Variants in RFX3 observed in about 807,000 individuals in gnomAD.
The protein encoded by RFX3 is regulatory factor X3.
RFX3 carries 14 observed loss-of-function variants against 98.6 expected under a neutral mutation model. The observed-to-expected ratio is 0.14, with a 90% CI of 0.09 to 0.22. The LOEUF (loss-of-function observed/expected upper bound fraction) is 0.22. RFX3 is among the 10% of genes least tolerant of loss of function. The pLI is 1.00. For synonymous variants in RFX3, 383 were observed against 328.4 expected (o/e 1.17, Z -1.80); for missense variants, 639 against 926.9 (o/e 0.69, Z 4.03).
chr9:3,504,899 A>T (rs1375464571), intron 1 of RFX3, among the ~76,000 whole-genome samples: 1 of 56,666 alleles, frequency 1.8e-5, no homozygotes, highest in Non-Finnish European at 2.6e-5. Context: ...TATAACATAT[A>T]TTATATATAT....
Position 3,504,970 on chromosome 9 carries a change from A to ATCT in RFX3, c.-9+20776_-9+20777insAGA, listed in dbSNP as rs1330635296. On this transcript the variant is annotated intron_variant, in intron 1 of 16. Transcript: ENST00000617270. ...ATATAATATATATTATATATAATAT[A>ATCT]TATTATATAATATATATGTTATATA... 2.5e-3 allele frequency among the ~76,000 whole-genome samples: 198 copies of ATCT among 79,428 alleles called. 8 individuals carry two copies. The highest frequency in any genetic ancestry group is 9.1e-3 in the African/African-American group (171 of 18,740). 52.1% of individuals were successfully genotyped at this position (79,428 alleles called of 152,430 possible).
chr9:3,288,080 C>A, intron 7 of RFX3, 51 bp downstream of exon 7: 4 of 1,569,114 alleles, frequency 2.5e-6, no homozygotes, highest in Non-Finnish European at 3.5e-6. Context: ...GAGACCCGAA[C>A]AACTAAGAAA....
intron 1 of RFX3, among the ~76,000 whole-genome samples, chr9:3,446,928 T>C (rs1332489852): frequency 6.6e-6 from 1 of 152,084 alleles, no homozygotes; most frequent in Non-Finnish European, 1.5e-5. Flanking sequence ...TCAAGAAGCT[T>C]TGAGAACAAT....
chr9:3,446,534 T>G (rs928710051), intron 1 of RFX3, among the ~76,000 whole-genome samples: 12 of 151,974 alleles, frequency 7.9e-5, no homozygotes, highest in African/African-American at 2.9e-4. Context: ...AACAAAACTA[T>G]TCAGAGATTT....
intron 1 of RFX3, among the ~76,000 whole-genome samples, chr9:3,480,054 T>A (rs1849608933): frequency 6.6e-6 from 1 of 152,236 alleles, no homozygotes; most frequent in African/African-American, 2.4e-5. Flanking sequence ...TTCAAGAATA[T>A]TGTCGCATGT....
rs1564138994 is a variant in RFX3, at chr9:3,467,134, A to ATCTG, written c.-9+58612_-9+58613insCAGA. On this transcript the variant is annotated intron_variant, in intron 1 of 16. Coordinates refer to ENST00000617270, the MANE Select transcript of RFX3 (RefSeq NM_001282116.2). ...TATATACATACATATATGTAAGTAT[A>ATCTG]TATGTATATACATAATATATATGTA... Among the ~76,000 whole-genome samples, 26 of 143,402 alleles carry ATCTG rather than the reference A, an allele frequency of 1.8e-4. 2 individuals are homozygous for ATCTG. Among genetic ancestry groups the ATCTG allele is most frequent in the African/African-American group, 6.8e-4 (26 of 38,434 alleles). 94.1% of individuals were successfully genotyped at this position (143,402 alleles called of 152,430 possible). A position where few individuals can be genotyped will look rare whatever the true frequency, so the allele number is the denominator to read the frequency against.
chr9:3,247,629 T>C (rs1052860852), intron 15 of RFX3: 2 of 1,351,960 alleles, frequency 1.5e-6, no homozygotes, highest in African/African-American at 2.9e-5. Context: ...TCATTTACTT[T>C]GTTCTTGGAG....
At chr9:3,434,481 T>A (rs1844939724) in intron 1 of RFX3, among the ~76,000 whole-genome samples, 1 of 152,150 alleles carries the variant, frequency 6.6e-6, no homozygotes, top group Non-Finnish European at 1.5e-5. Flanking sequence ...AAAAGCTAGT[T>A]GTTGACAAAT....
At chr9:3,493,695 AAAAAAAT>A (rs1441108348) in intron 1 of RFX3, among the ~76,000 whole-genome samples, 6 of 123,480 alleles carry the variant, frequency 4.9e-5, no homozygotes, top group African/African-American at 2.3e-4. Flanking sequence ...AAAAAAAAAA[AAAAAAAT>A]ATATATATAT....
chr9:3,301,570 G>A lies in RFX3; in HGVS notation c.525C>T (p.His175=). 1.9e-6 allele frequency: 3 copies of A among 1,601,956 alleles called. No individual in the cohort carries two copies. The highest frequency in any genetic ancestry group is 3.3e-4 in the Middle Eastern group (2 of 5,998). Residue 175 remains histidine (H), a synonymous_variant, in exon 5 of 17, where the codon CAC becomes CAT. Coordinates refer to ENST00000617270, the MANE Select transcript of RFX3 (RefSeq NM_001282116.2). ...CATGGCTGTTGAGAAGAGAGCTTCT[G>A]TGAGTGGACAGACCGTCAGACTTTT... ...TLQKSDGLST[H]RSSLLNSHLQ... is the part of the protein sequence containing the mutation.
intron 5 of RFX3, among the ~76,000 whole-genome samples, chr9:3,298,286 C>T (rs757875860): frequency 2.0e-5 from 3 of 151,644 alleles, no homozygotes; most frequent in Non-Finnish European, 4.4e-5. Flanking sequence ...ATTGAGTGAC[C>T]ATACATTCTT....
At chr9:3,304,558 G>C (rs1829052875) in intron 4 of RFX3, among the ~76,000 whole-genome samples, 1 of 152,010 alleles carries the variant, frequency 6.6e-6, no homozygotes, top group Non-Finnish European at 1.5e-5. Flanking sequence ...TGTTGTGGGA[G>C]GGAGCCAGTG....
intron 1 of RFX3, among the ~76,000 whole-genome samples, chr9:3,420,634 C>G (rs976867756): frequency 1.3e-5 from 2 of 152,162 alleles, no homozygotes; most frequent in Non-Finnish European, 2.9e-5. Context: ...TAGAGTCTTT[C>G]AGCTGCATCA....
At chr9:3,243,194 T>C (rs1213359375) in intron 15 of RFX3, among the ~76,000 whole-genome samples, 2 of 151,928 alleles carry the variant, frequency 1.3e-5, no homozygotes, top group Non-Finnish European at 2.9e-5. Context: ...GCAACTCATT[T>C]ATTTTATTTT....
At chr9:3,429,054 G>A (rs914717365) in intron 1 of RFX3, among the ~76,000 whole-genome samples, 1 of 142,326 alleles carries the variant, frequency 7.0e-6, no homozygotes, top group African/African-American at 2.7e-5. Flanking sequence ...ACGGAGTCTC[G>A]CTGTGTCTCC....
At chr9:3,522,215 C>A (rs1412634896) in intron 1 of RFX3, among the ~76,000 whole-genome samples, 1 of 152,096 alleles carries the variant, frequency 6.6e-6, no homozygotes, top group East Asian at 1.9e-4. Context: ...CCCTAACAAG[C>A]CAGATTTAGT....
chr9:3,419,599 T>C (rs187556444), intron 1 of RFX3, among the ~76,000 whole-genome samples: 2 of 152,282 alleles, frequency 1.3e-5, no homozygotes, highest in Non-Finnish European at 2.9e-5. Context: ...GAGAACTAAG[T>C]GCATGATTAA....
At chr9:3,439,597 A>C (rs1845452555) in intron 1 of RFX3, among the ~76,000 whole-genome samples, 1 of 152,048 alleles carries the variant, frequency 6.6e-6, no homozygotes, top group Non-Finnish European at 1.5e-5. Context: ...AAGCTCACTC[A>C]AGAAGAAACA....
chr9:3,326,709 C>T (rs1831964086), intron 4 of RFX3, among the ~76,000 whole-genome samples: 1 of 152,098 alleles, frequency 6.6e-6, no homozygotes, highest in African/African-American at 2.4e-5. Context: ...TGTATATGTA[C>T]CATATTTTCT....
Sources: gnomAD v4.1 joint callset for allele counts (sites outside exome capture counted in the v4.1 genomes callset) on GRCh38, gnomAD v4.1.1 for gene constraint, MANE v1.5 for transcripts, NCBI Gene and HGNC (gene_info 2026-07-23, HGNC 2026-07-21) for gene names.